The following MARCHF1 variants were observed in gnomAD, a reference collection of about 807,000 sequenced individuals.
MARCHF1 encodes the protein E3 ubiquitin-protein ligase MARCHF1.
In MARCHF1, 40 loss-of-function variants were observed where a neutral mutation model predicts 54.2. The ratio of observed to expected loss-of-function variants is 0.74; its 90% CI spans 0.57 to 0.96. The LOEUF is 0.96. Ranked by LOEUF, MARCHF1 falls within the 40% of genes least tolerant of loss-of-function variation. The pLI is 0.00. For synonymous variants in MARCHF1, 236 were observed against 236.3 expected, an observed-to-expected ratio of 1.00 and a Z score of 0.01; for missense variants, 586 against 656.5, an observed-to-expected ratio of 0.89 and a Z score of 1.17.
intron 4 of MARCHF1, among the ~76,000 whole-genome samples, chr4:163,830,451 G>A (rs1485926341): frequency 6.6e-6 from 1 of 152,034 alleles, no homozygotes; most frequent in Non-Finnish European, 1.5e-5. Flanking sequence ...AGAAATGTTG[G>A]GGCTCTCAGA....
intron 4 of MARCHF1, among the ~76,000 whole-genome samples, chr4:163,787,751 C>T (rs527752524): frequency 2.0e-5 from 3 of 151,954 alleles, no homozygotes; most frequent in South Asian, 2.1e-4. Flanking sequence ...ATTCAAAGCA[C>T]GATCTTAAAG....
At chr4:163,981,484 A>T (rs796229573) in intron 3 of MARCHF1, among the ~76,000 whole-genome samples, 1 of 152,156 alleles carries the variant, frequency 6.6e-6, no homozygotes, top group Non-Finnish European at 1.5e-5. Flanking sequence ...TCAATTATTT[A>T]ACAGGGTCGC....
At chr4:164,239,425 T>C (rs1732661313) in intron 1 of MARCHF1, among the ~76,000 whole-genome samples, 1 of 152,158 alleles carries the variant, frequency 6.6e-6, no homozygotes, top group Non-Finnish European at 1.5e-5. Flanking sequence ...TAGATTATAT[T>C]TATTCAGAGA....
intron 1 of MARCHF1, among the ~76,000 whole-genome samples, chr4:164,190,909 T>C (rs986158736): frequency 7.2e-5 from 11 of 152,220 alleles, no homozygotes; most frequent in Admixed American, 7.2e-4. Context: ...GGTACCCCTT[T>C]TTGTACTTTT....
chr4:163,879,127 G>C (rs1417801898), intron 3 of MARCHF1, among the ~76,000 whole-genome samples: 3 of 152,194 alleles, frequency 2.0e-5, no homozygotes, highest in East Asian at 1.9e-4. Context: ...TCGTGAAAGA[G>C]ACACTATGAA....
intron 1 of MARCHF1, among the ~76,000 whole-genome samples, chr4:164,289,745 A>G (rs1348767637): frequency 6.6e-6 from 1 of 151,854 alleles, no homozygotes; most frequent in Non-Finnish European, 1.5e-5. Flanking sequence ...CCCACCTTCA[A>G]TCAATGACTT....
chr4:164,220,606 A>ATATGCAATATATGCATATATGTAATATG (rs1732073909), intron 1 of MARCHF1, among the ~76,000 whole-genome samples: 1 of 138,886 alleles, frequency 7.2e-6, no homozygotes, highest in Non-Finnish European at 1.5e-5. Context: ...TATGTAATAT[A>ATATGCAATATATGCATATATGTAATATG]TATGCTATAT....
chr4:163,878,676 G>T (rs1340818571), intron 3 of MARCHF1, among the ~76,000 whole-genome samples: 2 of 151,766 alleles, frequency 1.3e-5, no homozygotes, highest in Non-Finnish European at 2.9e-5. Flanking sequence ...CTAGTTGAAG[G>T]ACTCTTTCCC....
chr4:163,552,136 G>T (rs1739127057), intron 8 of MARCHF1, among the ~76,000 whole-genome samples: 1 of 151,934 alleles, frequency 6.6e-6, no homozygotes, highest in Non-Finnish European at 1.5e-5. Context: ...GACATCTTTT[G>T]TACATGGCCC....
At chr4:163,682,856 C>G (rs2111169993) in intron 5 of MARCHF1, among the ~76,000 whole-genome samples, 1 of 152,214 alleles carries the variant, frequency 6.6e-6, no homozygotes, top group South Asian at 2.1e-4. Flanking sequence ...AAACTGTGAG[C>G]CAATTAAACC....
chr4:164,145,265 C>G (rs1188314652), intron 1 of MARCHF1, among the ~76,000 whole-genome samples: 2 of 152,164 alleles, frequency 1.3e-5, no homozygotes, highest in African/African-American at 4.8e-5. Context: ...TGGTACCATT[C>G]CTTCTGAAAC....
chr4:164,305,240 G>A (rs562194373), intron 1 of MARCHF1, among the ~76,000 whole-genome samples: 7 of 152,132 alleles, frequency 4.6e-5, no homozygotes, highest in African/African-American at 1.7e-4. Flanking sequence ...CCAAATAAAT[G>A]CAACATACGT....
At chr4:163,866,928 C>A (rs1005613228) in intron 3 of MARCHF1, among the ~76,000 whole-genome samples, 2 of 151,860 alleles carry the variant, frequency 1.3e-5, no homozygotes, top group African/African-American at 2.4e-5. Context: ...TGAGGTATCA[C>A]AATGACCAAA....
At chr4:164,020,328 C>G (rs17044406) in intron 2 of MARCHF1, among the ~76,000 whole-genome samples, 1,561 of 152,192 alleles carry the variant, frequency 0.01, 22 homozygotes, top group African/African-American at 0.036. Context: ...ATTGGACTAT[C>G]CCTAAGCTCA....
intron 4 of MARCHF1, among the ~76,000 whole-genome samples, chr4:163,808,533 G>A (rs913406617): frequency 4.6e-5 from 7 of 152,144 alleles, no homozygotes; most frequent in African/African-American, 1.7e-4. Flanking sequence ...AAATAGTAAT[G>A]TGAGGGGAAA....
rs552590960 is a variant in MARCHF1, at chr4:163,780,672, A to G, written c.111+73349T>C. Among the ~76,000 whole-genome samples, 24 of 152,340 alleles carry G rather than the reference A, an allele frequency of 1.6e-4. No individual in the cohort carries two copies. In the South Asian group the frequency reaches 4.3e-3, roughly 28 times the overall value. On this transcript the variant is annotated intron_variant, in intron 4 of 9. Coordinates refer to ENST00000514618, the MANE Select transcript of MARCHF1 (RefSeq NM_001394959.1). ...TTTGAAGGGACAGTTTAAGAAAATC[A>G]TATTTGAAAAAAGTGTGCATAGCTA... is the stretch of plus-strand genomic sequence containing the variant.
intron 3 of MARCHF1, among the ~76,000 whole-genome samples, chr4:163,929,260 A>C (rs1751602108): frequency 6.6e-6 from 1 of 152,126 alleles, no homozygotes; most frequent in East Asian, 1.9e-4. Context: ...ATATTCAAAC[A>C]AATTACTTTA....
chr4:164,296,516 G>T (rs1444208115), intron 1 of MARCHF1, among the ~76,000 whole-genome samples: 1 of 151,988 alleles, frequency 6.6e-6, no homozygotes, highest in Admixed American at 6.6e-5. Flanking sequence ...ATTACAGGCA[G>T]ATCCCACCAT....
intron 3 of MARCHF1, among the ~76,000 whole-genome samples, chr4:163,881,235 G>A (rs1750408064): frequency 6.6e-6 from 1 of 152,168 alleles, no homozygotes; most frequent in African/African-American, 2.4e-5. Flanking sequence ...AGCACTTTGG[G>A]AGGCCGAGGC....
Sources: gnomAD v4.1 joint callset for allele counts (sites outside exome capture counted in the v4.1 genomes callset) on GRCh38, gnomAD v4.1.1 for gene constraint, MANE v1.5 for transcripts, NCBI Gene and HGNC (gene_info 2026-07-23, HGNC 2026-07-21) for gene names.